The following TPM3 variants were observed in gnomAD, a reference collection of about 807,000 sequenced individuals.
TPM3 encodes the protein tropomyosin alpha-3 chain.
Under a neutral mutation model 43.1 loss-of-function variants are expected in TPM3, and 16 were observed. The ratio of observed to expected loss-of-function variants is 0.37; its 90% confidence interval spans 0.25 to 0.56. The LOEUF (loss-of-function observed/expected upper bound fraction) is 0.56, where lower values mean the gene tolerates loss of function less well. Among genes scored for constraint, TPM3 ranks in the 20% least tolerant of loss-of-function variants. The probability of loss-of-function intolerance (pLI) is 0.77; values close to 1 mark genes in which losing one functional copy is unlikely to be tolerated. For missense variants in TPM3, 176 were observed against 337.2 expected (o/e 0.52, Z 3.74); for synonymous variants, 101 against 116.9 (o/e 0.86, Z 0.88).
intron 2 of TPM3, chr1:154,187,366 G>T: frequency 2.0e-6 from 2 of 984,776 alleles, no homozygotes; most frequent in Non-Finnish European, 2.4e-6. Flanking sequence ...CTTCTTGCTT[G>T]CTCCTGGCCA....
downstream of TPM3, chr1:154,159,120 G>T: frequency 1.3e-6 from 1 of 766,810 alleles, no homozygotes; most frequent in Non-Finnish European, 2.4e-6. Flanking sequence ...GAGAAAAAGG[G>T]AAAGTTAGTA....
At chr1:154,159,204 G>A (rs960899411), downstream of TPM3, among the ~76,000 whole-genome samples, 57 of 152,330 alleles carry the variant, frequency 3.7e-4, no homozygotes, top group African/African-American at 1.4e-3. Context: ...CAGGGTGGAT[G>A]CAAGGAGGAT....
chr1:154,181,779 G>A (rs1662975697), intron 2 of TPM3, among the ~76,000 whole-genome samples: 1 of 152,088 alleles, frequency 6.6e-6, no homozygotes, highest in African/African-American at 2.4e-5. Flanking sequence ...AAATTAGCCA[G>A]ACTTGGTGGC....
chr1:154,183,278 G>C, intron 2 of TPM3: 1 of 1,514,192 alleles, frequency 6.6e-7, no homozygotes, highest in Non-Finnish European at 8.8e-7. Flanking sequence ...CCCACCGCCA[G>C]GCAGGCGGGA....
At position 154,166,622 on chromosome 1, in the gene TPM3, T is replaced by C; in HGVS notation, c.*1315A>G. On this transcript the variant is annotated 3_prime_UTR_variant, in exon 10 of 10. Transcript: ENST00000651641. ...TACTAAGTGAACAACACTTACGTGC[T>C]TGGATTAGTATAATTCACAGCTATA... 9.6e-7 allele frequency: 1 copy of C among 1,043,084 alleles called. No homozygotes were observed. The highest frequency in any genetic ancestry group is 5.6e-5 in the Admixed American group (1 of 17,908). The allele number at this position is 1,043,084 out of a possible 1,614,324, so 64.6% of individuals were successfully genotyped here.
intron 2 of TPM3, chr1:154,182,936 G>T: frequency 6.2e-7 from 1 of 1,608,190 alleles, no homozygotes; most frequent in Non-Finnish European, 8.5e-7. Context: ...TATTCCGCTT[G>T]CCGGATACTC....
Position 154,167,266 on chromosome 1 carries a change from T to A in TPM3, c.*671A>T, listed in dbSNP as rs1661084757. On this transcript the variant is annotated 3_prime_UTR_variant, in exon 10 of 10. Coordinates refer to ENST00000651641, the MANE Select transcript of TPM3 (RefSeq NM_152263.4). ...GTCCAGAATTCTATCCATTGTGTAT[T>A]TTTCTGTGACTGGAGTTGACATAAT... 1.0e-6 allele frequency: 1 copy of A among 975,994 alleles called. No individual in the cohort carries two copies. Among genetic ancestry groups the A allele is most frequent in the African/African-American group, 1.8e-5 (1 of 57,016 alleles). The allele number at this position is 975,994 out of a possible 1,614,324, so 60.5% of individuals were successfully genotyped here.
Position 154,185,347 on chromosome 1 carries a change from C to A in TPM3, c.243+5839G>T, listed in dbSNP as rs189295202. Among the ~76,000 whole-genome samples the A allele has an allele frequency of 1.4e-5, 2 of 139,360 alleles. 1 individual carries two copies. Among genetic ancestry groups the A allele is most frequent in the Admixed American group, 1.5e-4 (2 of 13,346 alleles). The allele number at this position is 139,360 out of a possible 152,430, so 91.4% of individuals were successfully genotyped here. A position where few individuals can be genotyped will look rare whatever the true frequency, so the allele number is the denominator to read the frequency against. On this transcript the variant is annotated intron_variant, in intron 2 of 9. Transcript: ENST00000651641. ...GAGATGGTGCCACTCTACTCCAGCC[C>A]GGGTGACAGAGTGAGACTCTGTATC...
chr1:154,185,439 T>G (rs1292595270), intron 2 of TPM3, among the ~76,000 whole-genome samples: 2 of 147,614 alleles, frequency 1.4e-5, no homozygotes, highest in African/African-American at 5.1e-5. Flanking sequence ...ATCCCAGCAC[T>G]TTGGGAGGCT....
chr1:154,173,230 GAC>G (rs1161223036), intron 3 of TPM3, 29 bp from the exon 4 acceptor site: 1 of 1,587,634 alleles, frequency 6.3e-7, no homozygotes, highest in Non-Finnish European at 8.6e-7. Flanking sequence ...AAGCAATACT[GAC>G]ACCCTGAGGA....
In TPM3 at chr1:154,163,403, C is replaced by A. The variant is rs1445039612; in HGVS notation, c.*4534G>T. Among the ~76,000 whole-genome samples the A allele has an allele frequency of 6.6e-6, 1 of 152,272 alleles. No individual in the cohort carries two copies. The highest frequency in any genetic ancestry group is 2.4e-5 in the African/African-American group (1 of 41,552). On this transcript the variant is annotated 3_prime_UTR_variant, in exon 10 of 10. Transcript: ENST00000651641. ...TATATAATCTTCCTACCAATACACTCTTTTGCCCCTGAAAATGACTCCTCC... is the reference window on the plus strand; with the variant it reads ...TATATAATCTTCCTACCAATACACTATTTTGCCCCTGAAAATGACTCCTCC...
intron 5 of TPM3, 83 bp from the exon 6 acceptor site, chr1:154,171,571 T>C: frequency 6.9e-7 from 1 of 1,459,784 alleles, no homozygotes; most frequent in Admixed American, 1.7e-5. Context: ...TAGACGTGAA[T>C]TGAACCTATA....
downstream of TPM3, chr1:154,159,103 G>C (rs1485073084): frequency 3.9e-6 from 3 of 776,348 alleles, no homozygotes; most frequent in Non-Finnish European, 7.2e-6. Flanking sequence ...AAAAAGAGGA[G>C]GAGAAAGAGA....
In TPM3 at chr1:154,173,903, C is replaced by G. The variant is rs143817077; in HGVS notation, c.378-702G>C. Among the ~76,000 whole-genome samples the G allele has an allele frequency of 1.4e-3, 218 of 151,388 alleles. 1 individual carries two copies. Among genetic ancestry groups the G allele is most frequent in the African/African-American group, 5.1e-3 (210 of 41,250 alleles). ...ACTGAGGCAAGATAATCACTTGAACCCGGGAGGCAGAGGTTGCAGTAAGCC... is the reference window on the plus strand; with the variant it reads ...ACTGAGGCAAGATAATCACTTGAACGCGGGAGGCAGAGGTTGCAGTAAGCC... On this transcript the variant is annotated intron_variant, in intron 3 of 9. Transcript: ENST00000651641.
chr1:154,156,051 T>C (rs1010929085), downstream of TPM3: 1 of 177,474 alleles, frequency 5.6e-6, no homozygotes, highest in Admixed American at 6.3e-5. Flanking sequence ...GCCAACATGG[T>C]GAAGCCCTGT....
chr1:154,178,455 G>A (rs888574479), intron 2 of TPM3, among the ~76,000 whole-genome samples: 2 of 152,194 alleles, frequency 1.3e-5, no homozygotes, highest in African/African-American at 4.8e-5. Context: ...GGTAGGGAAT[G>A]GGACCTTGCC....
At chr1:154,157,014 TAAC>T (rs1659880401), downstream of TPM3, 1 of 200,782 alleles carries the variant, frequency 5.0e-6, no homozygotes, top group South Asian at 1.9e-4. Flanking sequence ...AAAATAGAAA[TAAC>T]ATTATCCAAA....
downstream of TPM3, chr1:154,157,836 T>C: frequency 1.3e-6 from 1 of 748,682 alleles, no homozygotes; most frequent in Non-Finnish European, 2.5e-6. Flanking sequence ...AGCAGCTGCC[T>C]TCTCAGCCAC....
downstream of TPM3, among the ~76,000 whole-genome samples, chr1:154,160,098 C>T (rs1660197125): frequency 6.7e-6 from 1 of 149,438 alleles, no homozygotes; most frequent in African/African-American, 2.5e-5. Flanking sequence ...CTGGATTTTC[C>T]ATTTGAAGCA....
Sources: allele counts gnomAD v4.1 joint callset (sites outside exome capture counted in the v4.1 genomes callset), GRCh38; gene constraint gnomAD v4.1.1; transcripts MANE v1.5; gene names NCBI Gene and HGNC (gene_info 2026-07-23, HGNC 2026-07-21).